FGF14: variants seen among roughly 807,000 people sequenced by gnomAD.
FGF14 encodes the protein fibroblast growth factor 14.
Under a neutral mutation model 25.5 loss-of-function variants are expected in FGF14, and 5 were observed. The observed-to-expected ratio is 0.20, with a 90% CI of 0.10 to 0.41. The LOEUF is 0.41. Among genes scored for constraint, FGF14 ranks in the 10% least tolerant of loss-of-function variants. The pLI is 1.00. For missense variants in FGF14, 222 were observed against 320.1 expected, an observed-to-expected ratio of 0.69 and a Z score of 2.34; for synonymous variants, 138 against 118.3, an observed-to-expected ratio of 1.17 and a Z score of -1.08.
At chr13:102,288,992 G>T (rs1370880620) in intron 1 of FGF14, among the ~76,000 whole-genome samples, 1 of 151,750 alleles carries the variant, frequency 6.6e-6, no homozygotes, top group African/African-American at 2.4e-5. Flanking sequence ...TAAATGCCAA[G>T]GTTAGCCAAT....
chr13:102,023,043 GACACAC>G (rs59221538), intron 1 of FGF14, among the ~76,000 whole-genome samples: 9,450 of 146,226 alleles, frequency 0.065, 985 homozygotes, highest in African/African-American at 0.22. Flanking sequence ...AATATTTTCG[GACACAC>G]ACACACACAC....
At chr13:102,167,508 C>G (rs2048066560) in intron 1 of FGF14, among the ~76,000 whole-genome samples, 1 of 151,842 alleles carries the variant, frequency 6.6e-6, no homozygotes, top group Non-Finnish European at 1.5e-5. Context: ...TAATGAAAAT[C>G]CAAGCAATAC....
intron 3 of FGF14, among the ~76,000 whole-genome samples, chr13:101,866,015 G>A (rs1030431607): frequency 6.6e-6 from 1 of 151,900 alleles, no homozygotes; most frequent in Non-Finnish European, 1.5e-5. Context: ...AAACTTCTTA[G>A]TTGGGTTAAC....
chr13:102,354,505 C>T (rs904279974), intron 1 of FGF14, among the ~76,000 whole-genome samples: 1 of 152,128 alleles, frequency 6.6e-6, no homozygotes, highest in East Asian at 1.9e-4. Flanking sequence ...CAGACCAAAC[C>T]AATCTACATC....
chr13:102,204,320 C>T (rs1471309144), intron 1 of FGF14, among the ~76,000 whole-genome samples: 1 of 152,138 alleles, frequency 6.6e-6, no homozygotes, highest in African/African-American at 2.4e-5. Context: ...CACACACACA[C>T]TCATACTCCT....
At chr13:101,949,060 C>T (rs544148659) in intron 1 of FGF14, among the ~76,000 whole-genome samples, 110 of 152,236 alleles carry the variant, frequency 7.2e-4, no homozygotes, top group Non-Finnish European at 1.4e-3. Flanking sequence ...TGGGCAGCAA[C>T]AGGAACTGGG....
chr13:102,275,262 T>TTTCTCTCTCTCTCTCTCTCTCTC (rs2053473719), intron 1 of FGF14, among the ~76,000 whole-genome samples: 2 of 68,988 alleles, frequency 2.9e-5, no homozygotes, highest in African/African-American at 1.0e-4. Flanking sequence ...CTCTCTCTCT[T>TTTCTCTCTCTCTCTCTCTCTCTC]TCTCTCTCTC....
At chr13:102,353,708 G>C (rs1465637781) in intron 1 of FGF14, among the ~76,000 whole-genome samples, 1 of 152,056 alleles carries the variant, frequency 6.6e-6, no homozygotes, top group African/African-American at 2.4e-5. Flanking sequence ...ACTACTGATT[G>C]CAACAGTCTC....
rs2048362893 is a variant in FGF14, at chr13:102,174,372, G to A, written c.208+227099C>T. Among the ~76,000 whole-genome samples the A allele has an allele frequency of 2.0e-5, 3 of 149,716 alleles. No individual in the cohort carries two copies. The South Asian group carries it at 6.4e-4, about 32-fold the overall frequency. ...AGTACAGACAAGGTTTCACTTGCTG[G>A]CCAGGCTGGTCTGGAACTCCTGACC... On this transcript the variant is annotated intron_variant, in intron 1 of 4. Coordinates refer to the FGF14 transcript ENST00000376131.
intron 1 of FGF14, among the ~76,000 whole-genome samples, chr13:102,225,626 C>A (rs1728384653): frequency 6.6e-6 from 1 of 152,032 alleles, no homozygotes; most frequent in African/African-American, 2.4e-5. Context: ...TATTAGGTCC[C>A]TGAGTATACA....
chr13:101,953,027 T>TC (rs2036273101), intron 1 of FGF14, among the ~76,000 whole-genome samples: 1 of 134,072 alleles, frequency 7.5e-6, no homozygotes, highest in Admixed American at 7.6e-5. Context: ...AGAGTGAGAC[T>TC]CCATCTCTAA....
intron 1 of FGF14, among the ~76,000 whole-genome samples, chr13:102,149,459 C>A (rs2046988883): frequency 6.6e-6 from 1 of 152,130 alleles, no homozygotes; most frequent in Admixed American, 6.5e-5. Context: ...AGACTGAAGA[C>A]CCTGACATCA....
At chr13:101,799,382 A>T (rs9518558) in intron 3 of FGF14, among the ~76,000 whole-genome samples, 132,003 of 151,940 alleles carry the variant, frequency 0.87, 59,232 homozygotes, top group East Asian at 1. Context: ...TCTTTTCCAG[A>T]CTCAGCTGCT....
At chr13:102,029,453 T>A (rs767362438) in intron 1 of FGF14, among the ~76,000 whole-genome samples, 3 of 152,034 alleles carry the variant, frequency 2.0e-5, no homozygotes, top group Non-Finnish European at 2.9e-5. Context: ...TATTCTGAAA[T>A]AAATGCATTT....
At chr13:102,257,955 T>C (rs574410650) in intron 1 of FGF14, among the ~76,000 whole-genome samples, 4 of 152,284 alleles carry the variant, frequency 2.6e-5, no homozygotes, top group Admixed American at 6.5e-5. Context: ...GATGAAGACA[T>C]ACTTAAAGAG....
At chr13:101,810,843 C>T (rs1215640027) in intron 3 of FGF14, among the ~76,000 whole-genome samples, 2 of 151,996 alleles carry the variant, frequency 1.3e-5, no homozygotes, top group South Asian at 2.1e-4. Flanking sequence ...CTGTCCTTTC[C>T]GTAAGATGCT....
intron 1 of FGF14, among the ~76,000 whole-genome samples, chr13:101,885,839 G>C (rs147598974): frequency 6.6e-6 from 1 of 152,108 alleles, no homozygotes. Context: ...TGAGGAAACT[G>C]AAAGTCAAAA....
At chr13:102,362,867 AAAT>A (rs2057606378) in intron 1 of FGF14, among the ~76,000 whole-genome samples, 2 of 152,228 alleles carry the variant, frequency 1.3e-5, no homozygotes, top group Non-Finnish European at 2.9e-5. Context: ...AATCAGATTA[AAAT>A]AATAACTATC....
Position 101,716,422 on chromosome 13 carries a change from T to C in FGF14, c.*6409A>G, listed in dbSNP as rs1279567948. The C allele has an allele frequency of 6.6e-6, 1 of 152,190 alleles. No homozygotes were observed. Among genetic ancestry groups the C allele is most frequent in the African/African-American group, 2.4e-5 (1 of 41,452 alleles). 9.4% of individuals were successfully genotyped at this position (152,190 alleles called of 1,614,324 possible). On this transcript the variant is annotated 3_prime_UTR_variant, in exon 5 of 5. Coordinates refer to ENST00000376143, the MANE Select transcript of FGF14 (RefSeq NM_004115.4). ...AAAATGTACAATTTAACATTTTAAATAAATAGTGACAGAAGTTGTTTATAC... is the reference window on the plus strand; with the variant it reads ...AAAATGTACAATTTAACATTTTAAACAAATAGTGACAGAAGTTGTTTATAC...
Sources: allele counts gnomAD v4.1 joint callset (sites outside exome capture counted in the v4.1 genomes callset), GRCh38; gene constraint gnomAD v4.1.1; transcripts MANE v1.5; gene names NCBI Gene and HGNC (gene_info 2026-07-23, HGNC 2026-07-21).